The following DBF4B variants were observed in gnomAD, a reference collection of about 807,000 sequenced individuals.
The protein encoded by DBF4B is DBF4B-CDC7 kinase regulatory subunit, also known as protein DBF4 homolog B.
In DBF4B, 49 loss-of-function variants were observed where a neutral mutation model predicts 53.4. The ratio of observed to expected loss-of-function variants is 0.92; its 90% CI spans 0.73 to 1.16. The LOEUF (loss-of-function observed/expected upper bound fraction) is 1.16. DBF4B is among the 50% of genes most tolerant of loss of function. The pLI is 0.00. For missense variants in DBF4B, 692 were observed against 775.0 expected (o/e 0.89, Z 1.27); for synonymous variants, 257 against 288.7 (o/e 0.89, Z 1.11).
intron 7 of DBF4B, 100 bp from the exon 8 acceptor site, chr17:44,736,730 G>A: frequency 7.4e-7 from 1 of 1,350,422 alleles, no homozygotes; most frequent in Non-Finnish European, 1.1e-6. Flanking sequence ...ACAGCAGGAA[G>A]CAAAGTGGGA....
At chr17:44,736,275 C>T (rs1008026881) in intron 7 of DBF4B, among the ~76,000 whole-genome samples, 2 of 152,070 alleles carry the variant, frequency 1.3e-5, no homozygotes, top group Admixed American at 6.5e-5. Context: ...TGAGCCACCA[C>T]GCCCGGCCTC....
intron 10 of DBF4B, among the ~76,000 whole-genome samples, chr17:44,742,895 C>T (rs897761633): frequency 1.8e-4 from 28 of 152,160 alleles, no homozygotes; most frequent in African/African-American, 6.8e-4. Flanking sequence ...AACCTCTGGG[C>T]TGTGGGGTTA....
chr17:44,713,975 C>T (rs1371827288), intron 2 of DBF4B, among the ~76,000 whole-genome samples: 2 of 151,480 alleles, frequency 1.3e-5, no homozygotes, highest in Admixed American at 1.3e-4. Context: ...TTTTTTACAC[C>T]ATGGAATACT....
At chr17:44,709,852 C>T (rs572335755) in intron 2 of DBF4B, among the ~76,000 whole-genome samples, 1 of 151,754 alleles carries the variant, frequency 6.6e-6, no homozygotes, top group Non-Finnish European at 1.5e-5. Flanking sequence ...GCACATGGCA[C>T]TTCCCTCCGT....
intron 13 of DBF4B, chr17:44,748,989 G>C (rs1286433686): frequency 7.8e-7 from 1 of 1,289,850 alleles, no homozygotes. Context: ...TGGGGAAAGG[G>C]TGGCCCCCAG....
intron 7 of DBF4B, among the ~76,000 whole-genome samples, 168 bp from the exon 8 acceptor site, chr17:44,736,662 G>C (rs1261856876): frequency 1.3e-5 from 2 of 152,108 alleles, no homozygotes; most frequent in African/African-American, 4.8e-5. Flanking sequence ...AGAGGGAGCC[G>C]TTGTGCCCAG....
Position 44,734,120 on chromosome 17 carries a change from T to C in DBF4B, c.587T>C (p.Leu196Pro). 1 of 1,614,206 alleles carries C rather than the reference T, an allele frequency of 6.2e-7. No homozygotes were observed. Among genetic ancestry groups the C allele is most frequent in the Non-Finnish European group, 8.5e-7 (1 of 1,180,036 alleles). ...EMMMHVQQLS[L>P]ASLCVKKQQP... ...ATGATGCACGTGCAACAGCTGTCTC[T>C]TGCGTCTTTATGTGTGAAAAAACAA... Residue 196 changes from leucine to proline, a missense_variant, in exon 7 of 14, where the codon CTT (leucine) becomes CCT (proline). Coordinates refer to ENST00000315005, the MANE Select transcript of DBF4B (RefSeq NM_145663.3).
chr17:44,720,182 G>A (rs986293171), intron 2 of DBF4B: 4 of 362,438 alleles, frequency 1.1e-5, no homozygotes, highest in East Asian at 8.4e-5. Flanking sequence ...ATGCTGGATC[G>A]CAGTTTTCTC....
intron 10 of DBF4B, among the ~76,000 whole-genome samples, chr17:44,745,118 G>A (rs1255534144): frequency 2.0e-5 from 3 of 152,020 alleles, no homozygotes; most frequent in Non-Finnish European, 2.9e-5. Flanking sequence ...TTTTTGTAGA[G>A]GTGGGGTTTC....
rs953846699 is a variant in DBF4B, at chr17:44,730,918, C to T, written c.418-47C>T. The stretch of plus-strand genomic sequence containing the variant: ...GCTCCTGTGTAAACATCTTTCAGTG[C>T]ACAGGTGGCCTAACAGCAGACCTCA... On this transcript the variant is annotated intron_variant, in intron 4 of 13. Transcript: ENST00000315005. The T allele has an allele frequency of 4.4e-6, 7 of 1,604,450 alleles. No homozygotes were observed. In the African/African-American group the frequency reaches 8.0e-5, roughly 18 times the overall value.
intron 1 of DBF4B, 42 bp downstream of exon 1, chr17:44,708,881 C>A (rs1051400154): frequency 1.9e-6 from 3 of 1,547,692 alleles, no homozygotes; most frequent in South Asian, 2.4e-5. Context: ...CGGAAGGGGT[C>A]GTTAATAGCT....
At position 44,730,000 on chromosome 17, in the gene DBF4B, C is replaced by A. The variant is rs764488807; in HGVS notation, c.321C>A (p.Cys107Ter). 6.2e-7 allele frequency: 1 copy of A among 1,613,600 alleles called. No individual in the cohort carries two copies. The highest frequency in any genetic ancestry group is 1.3e-5 in the African/African-American group (1 of 74,884). The change falls in exon 4 of 14, where the codon TGC (cysteine) becomes TGA (stop). Residue 107 changes from cysteine to a stop codon, truncating the protein, a stop_gained. Coordinates refer to ENST00000315005, the MANE Select transcript of DBF4B (RefSeq NM_145663.3). LOFTEE classifies it high-confidence loss of function. ...AESSGKSHRG[C>*]PSPSPSEVRV... ...GCAGTGGGAAAAGCCATAGAGGCTGCCCTAGCCCTAGCCCCAGTGAGGTCA... is the reference window on the plus strand; with the variant it reads ...GCAGTGGGAAAAGCCATAGAGGCTGACCTAGCCCTAGCCCCAGTGAGGTCA...
chr17:44,736,460 G>A (rs1437470209), intron 7 of DBF4B, among the ~76,000 whole-genome samples: 2 of 152,178 alleles, frequency 1.3e-5, no homozygotes, highest in Non-Finnish European at 2.9e-5. Flanking sequence ...GCCATTTAGT[G>A]AGCATCTATT....
chr17:44,724,877 G>T (rs1974158656), intron 3 of DBF4B, among the ~76,000 whole-genome samples: 1 of 152,100 alleles, frequency 6.6e-6, no homozygotes, highest in African/African-American at 2.4e-5. Flanking sequence ...GGCACTTTGG[G>T]AGGCCCAGGT....
chr17:44,742,612 A>C (rs952148950), intron 10 of DBF4B, among the ~76,000 whole-genome samples: 3 of 152,062 alleles, frequency 2.0e-5, no homozygotes, highest in Admixed American at 6.6e-5. Flanking sequence ...TATCTATAGA[A>C]TCAAAATATC....
rs1289736729 is a variant in DBF4B at position 44,745,848 on chromosome 17, G to A, written c.831-1235G>A. On this transcript the variant is annotated intron_variant, in intron 10 of 13. Coordinates refer to ENST00000315005, the MANE Select transcript of DBF4B (RefSeq NM_145663.3). The stretch of plus-strand genomic sequence containing the variant: ...AAAAGGAGTGTTTTGGACTTGTCGA[G>A]TTTGCTGGACAGCCAGATAGAAATG... Among the ~76,000 whole-genome samples, 4 of 152,178 alleles carry A rather than the reference G, an allele frequency of 2.6e-5. No homozygotes were observed. The East Asian group carries it at 7.7e-4, about 29-fold the overall frequency.
At chr17:44,736,985 A>T (rs906081894) in intron 8 of DBF4B, 119 bp downstream of exon 8, 5 of 1,223,932 alleles carry the variant, frequency 4.1e-6, no homozygotes, top group Admixed American at 3.9e-5. Context: ...AGTCCAGGTT[A>T]TCTTGCCCCT....
chr17:44,720,434 G>A (rs1973729037), intron 2 of DBF4B: 1 of 234,514 alleles, frequency 4.3e-6, no homozygotes, highest in Non-Finnish European at 8.6e-6. Flanking sequence ...GGGAATATCT[G>A]CAATTCCTCT....
chr17:44,743,184 G>A (rs1439741611), intron 10 of DBF4B, among the ~76,000 whole-genome samples: 1 of 152,174 alleles, frequency 6.6e-6, no homozygotes, highest in East Asian at 1.9e-4. Flanking sequence ...GGATCACAGA[G>A]GAGCTAAGAG....
Sources: gnomAD v4.1 joint callset for allele counts (sites outside exome capture counted in the v4.1 genomes callset) on GRCh38, gnomAD v4.1.1 for gene constraint, MANE v1.5 for transcripts, NCBI Gene and HGNC (gene_info 2026-07-23, HGNC 2026-07-21) for gene names.